HDAC6: variants seen among roughly 807,000 people sequenced by gnomAD.
HDAC6 encodes protein deacetylase HDAC6.
In HDAC6, 5 loss-of-function variants were observed where a neutral mutation model predicts 88.9. The ratio of observed to expected loss-of-function variants is 0.06; its 90% CI spans 0.03 to 0.12. The LOEUF (loss-of-function observed/expected upper bound fraction) is 0.12, where lower values mean the gene tolerates loss of function less well. Ranked by LOEUF, HDAC6 falls within the 10% of genes least tolerant of loss-of-function variation. The probability of loss-of-function intolerance (pLI) is 1.00; values close to 1 mark genes in which losing one functional copy is unlikely to be tolerated. For synonymous variants in HDAC6, 378 were observed against 398.0 expected (o/e 0.95, Z 0.60); for missense variants, 706 against 1,014.4 (o/e 0.70, Z 4.13).
At chrX:48,804,371 G>GACCA (rs1345379202) in intron 4 of HDAC6, among the ~76,000 whole-genome samples, 3 of 110,963 alleles carry the variant, frequency 2.7e-5, no homozygotes, top group Non-Finnish European at 5.7e-5. Context: ...TCTGTACCCT[G>GACCA]ACCAACCCCT....
intron 1 of HDAC6, 54 bp downstream of exon 1, chrX:48,802,196 T>G (rs1602228000): frequency 1.2e-6 from 1 of 859,553 alleles, no homozygotes; most frequent in Non-Finnish European, 1.4e-6. Flanking sequence ...AAGGGTGGAG[T>G]CGAAACCGGG....
In HDAC6 at chrX:48,815,933, C is replaced by T. The variant is rs150105386; in HGVS notation, c.1374C>T (p.Ser458=). The T allele has an allele frequency of 1.9e-4, 229 of 1,208,765 alleles. No individual in the cohort carries two copies. In the African/African-American group the frequency reaches 3.3e-3, roughly 17 times the overall value. Reference sequence around the variant, plus strand: ...TGGAGGAGGACAATGTAGAGGAGAGCGAGGAGGAAGGACCCTGGGAGCCCC... The same window carrying T: ...TGGAGGAGGACAATGTAGAGGAGAGTGAGGAGGAAGGACCCTGGGAGCCCC... ...DNMEEDNVEE[S]EEEGPWEPPV... The change falls in exon 17 of 29, where the codon AGC becomes AGT. Residue 458 remains serine, a synonymous_variant. Transcript: ENST00000334136.
chrX:48,802,755 G>T lies in HDAC6; in HGVS notation c.63G>T (p.Gln21His), dbSNP rs982282768. ...AGCGAAGAAGTAGGCAGAACCCCCAGTCGCCCCCTCAGGACTCCAGTGTCA... is the reference window on the plus strand; with the variant it reads ...AGCGAAGAAGTAGGCAGAACCCCCATTCGCCCCCTCAGGACTCCAGTGTCA... ...TRQRRSRQNP[Q>H]SPPQDSSVTS... The change falls in exon 2 of 29, where the codon CAG becomes CAT. Residue 21 changes from glutamine to histidine, a missense_variant. Transcript: ENST00000334136. The T allele has an allele frequency of 8.3e-7, 1 of 1,206,691 alleles. No individual in the cohort carries two copies. Among genetic ancestry groups the T allele is most frequent in the African/African-American group, 1.8e-5 (1 of 56,927 alleles).
intron 10 of HDAC6, chrX:48,813,747 G>A (rs2062937595): frequency 8.9e-6 from 1 of 111,855 alleles, no homozygotes; most frequent in Non-Finnish European, 1.9e-5. Flanking sequence ...AGAAGTAGTA[G>A]AGGTGGCCTG....
chrX:48,818,177 C>T, intron 21 of HDAC6, 43 bp from the exon 22 acceptor site: 1 of 1,169,126 alleles, frequency 8.6e-7, no homozygotes, highest in Non-Finnish European at 1.1e-6. Context: ...GGTACTGGAG[C>T]CCCTAACCAG....
At chrX:48,802,005 A>G (rs1307569342), upstream of HDAC6, 9 of 957,462 alleles carry the variant, frequency 9.4e-6, no homozygotes, top group African/African-American at 1.2e-4. Context: ...GAAGGCGGCT[A>G]GGGACTGGCT....
At chrX:48,809,927 A>C (rs782267992) in intron 10 of HDAC6, among the ~76,000 whole-genome samples, 4 of 111,664 alleles carry the variant, frequency 3.6e-5, no homozygotes, top group Non-Finnish European at 3.8e-5. Flanking sequence ...CCACTTATCC[A>C]AGATCTGAAG....
In HDAC6 at chrX:48,824,565, A is replaced by G; in HGVS notation, c.3601A>G (p.Ile1201Val). ...TCAGGCTCTCCTAGATGTGAAGAAC[A>G]TCGCCCACCAGAACAAGTTTGGGGA... ...HHQALLDVKN[I>V]AHQNKFGEDM... Residue 1201 changes from isoleucine (I) to valine (V), a missense_variant, in exon 29 of 29, where the codon ATC becomes GTC. Around this residue, in one of 9 missense-constraint regions of HDAC6, gnomAD observed 36 missense variants for 35.5 expected, o/e 1.01. Coordinates refer to ENST00000334136, the MANE Select transcript of HDAC6 (RefSeq NM_006044.4). 2.5e-6 allele frequency: 3 copies of G among 1,210,176 alleles called. No homozygotes were observed. The highest frequency in any genetic ancestry group is 1.8e-5 in the South Asian group (1 of 56,831).
rs368982507 is a variant in HDAC6, at chrX:48,806,336, G to A, written c.438-32G>A. ...GACAGCTCAGTTGGGGAAGAGACAG[G>A]GCCCTGAATCTCATCTCCCATCTGT... On this transcript the variant is annotated intron_variant, in intron 6 of 28. Transcript: ENST00000334136. The A allele has an allele frequency of 3.2e-6, 3 of 950,005 alleles. No homozygotes were observed. The African/African-American group carries it at 5.8e-5, about 18-fold the overall frequency. The allele number at this position is 950,005 out of a possible 1,213,427, so 78.3% of individuals were successfully genotyped here.
At chrX:48,821,542 A>C (rs2063083645) in intron 23 of HDAC6, among the ~76,000 whole-genome samples, 1 of 86,418 alleles carries the variant, frequency 1.2e-5, no homozygotes, top group Admixed American at 1.6e-4. Flanking sequence ...TCGCCGTGTC[A>C]CCCAGGCTGG....
At chrX:48,818,800 G>A (rs1442571938) in intron 22 of HDAC6, among the ~76,000 whole-genome samples, 2 of 112,476 alleles carry the variant, frequency 1.8e-5, no homozygotes, top group African/African-American at 6.5e-5. Flanking sequence ...TGTGTGATGG[G>A]TGTGATACTG....
At chrX:48,823,639 T>C (rs782446410) in intron 25 of HDAC6, 33 bp from the exon 26 acceptor site, 1 of 1,193,857 alleles carries the variant, frequency 8.4e-7, no homozygotes, top group Non-Finnish European at 1.1e-6. Flanking sequence ...GAATCGGGCT[T>C]CTCTGATACA....
chrX:48,812,250 G>GT (rs1462344159), intron 10 of HDAC6, among the ~76,000 whole-genome samples: 2 of 112,466 alleles, frequency 1.8e-5, no homozygotes, highest in African/African-American at 6.5e-5. Flanking sequence ...ACAAACGTGT[G>GT]TAAACAAACA....
Position 48,818,350 on chromosome X carries a change from C to G in HDAC6, c.2125C>G (p.Arg709Gly). ...FTVNVAWNGP[R>G]MGDADYLAAW... ...CGTCAACGTGGCATGGAACGGGCCC[C>G]GCATGGGTGATGCTGACTACCTAGC... The change falls in exon 22 of 29, where the codon CGC becomes GGC. Residue 709 changes from arginine to glycine, a missense_variant. Physicochemically the swap from Arg to Gly is moderately radical, Grantham distance 125 (BLOSUM62 -2). Around this residue, in one of 9 missense-constraint regions of HDAC6, gnomAD observed 138 missense variants for 303.5 expected, o/e 0.45. Transcript: ENST00000334136. 2 of 1,198,430 alleles carry G rather than the reference C, an allele frequency of 1.7e-6. No homozygotes were observed. Among genetic ancestry groups the G allele is most frequent in the Non-Finnish European group, 2.3e-6 (2 of 888,791 alleles).
At chrX:48,816,342 T>A in intron 18 of HDAC6, 73 bp downstream of exon 18, 27 of 1,148,853 alleles carry the variant, frequency 2.4e-5, no homozygotes, top group Non-Finnish European at 2.9e-5. Context: ...GAACTTGGGT[T>A]TCCCCTCCTG....
chrX:48,805,702 G>A, intron 6 of HDAC6, 31 bp downstream of exon 6: 1 of 1,124,241 alleles, frequency 8.9e-7, no homozygotes, highest in Non-Finnish European at 1.2e-6. Context: ...TAGGGATGGG[G>A]AGGAGCCTGC....
rs377605184 is a variant in HDAC6, at chrX:48,814,899, G to C, written c.1059+6G>C. On this transcript the variant is annotated splice_donor_region_variant and intron_variant, in intron 13 of 28. Transcript: ENST00000334136. ...CCCTGCAAGGGGACCCCAAGGTAAG[G>C]CAGGCTCCCTGGGGCGGCAGGTGGG... 1.4e-4 allele frequency: 170 copies of C among 1,209,252 alleles called. No homozygotes were observed. In the African/African-American group the frequency reaches 2.6e-3, roughly 19 times the overall value.
At chrX:48,816,756 G>A in intron 19 of HDAC6, 123 bp downstream of exon 19, 2 of 442,712 alleles carry the variant, frequency 4.5e-6, no homozygotes, top group Middle Eastern at 7.8e-4. Context: ...ATGGGGAGGG[G>A]CACGGGAGGG....
chrX:48,802,921 G>C lies in HDAC6; in HGVS notation c.144G>C (p.Ala48=). ...TTCCCCGCTCTATCCCCAATCTAGCGGAGGTAAAGAAGAAAGGCAAAATGA... is the reference window on the plus strand; with the variant it reads ...TTCCCCGCTCTATCCCCAATCTAGCCGAGGTAAAGAAGAAAGGCAAAATGA... ...GAVPRSIPNL[A]EVKKKGKMKK... is the part of the protein sequence containing the mutation. The change falls in exon 3 of 29, where the codon GCG becomes GCC. Residue 48 remains alanine, a synonymous_variant. Transcript: ENST00000334136. 1.5e-5 allele frequency: 18 copies of C among 1,209,243 alleles called. No homozygotes were observed. The highest frequency in any genetic ancestry group is 1.8e-5 in the Non-Finnish European group (16 of 894,040).
Sources: gnomAD v4.1 joint callset for allele counts (sites outside exome capture counted in the v4.1 genomes callset) on GRCh38, gnomAD v4.1.1 for gene constraint, gnomAD v4.1.1 regional missense constraint, MANE v1.5 for transcripts, NCBI Gene and HGNC (gene_info 2026-07-23, HGNC 2026-07-21) for gene names.